Variants in CD163 observed in about 807,000 individuals in gnomAD.
The protein encoded by CD163 is scavenger receptor cysteine-rich type 1 protein M130.
Under a neutral mutation model 129.2 loss-of-function variants are expected in CD163, and 64 were observed. The observed-to-expected ratio is 0.50, with a 90% CI of 0.41 to 0.61. The LOEUF is 0.61. Among genes scored for constraint, CD163 ranks in the 20% least tolerant of loss-of-function variants. The probability of loss-of-function intolerance (pLI) is 0.00; values close to 1 mark genes in which losing one functional copy is unlikely to be tolerated. For synonymous variants in CD163, 446 were observed against 478.5 expected, an observed-to-expected ratio of 0.93 and a Z score of 0.89; for missense variants, 1,061 against 1,377.9, an observed-to-expected ratio of 0.77 and a Z score of 3.64.
In CD163 at chr12:7,485,915, C is replaced by T. The variant is rs895114212; in HGVS notation, c.2459-499G>A. Among the ~76,000 whole-genome samples the T allele has an allele frequency of 1.3e-5, 2 of 152,130 alleles. No individual in the cohort carries two copies. Among genetic ancestry groups the T allele is most frequent in the Admixed American group, 1.3e-4 (2 of 15,278 alleles). Reference sequence around the variant, plus strand: ...TCTGAGATACAGAGTTTTTCACTTCCTTAAGTTACTGAATCATAGTTCTGT... The same window carrying T: ...TCTGAGATACAGAGTTTTTCACTTCTTTAAGTTACTGAATCATAGTTCTGT... On this transcript the variant is annotated intron_variant, in intron 10 of 16. Coordinates refer to ENST00000432237, the MANE Select transcript of CD163 (RefSeq NM_203416.4). This position sits in a 1 kb window ranked among gnomAD's most constrained non-coding sequence, Gnocchi z 4.5.
At chr12:7,479,409 C>T (rs1235571682) in intron 16 of CD163, among the ~76,000 whole-genome samples, 10 of 152,002 alleles carry the variant, frequency 6.6e-5, no homozygotes, top group African/African-American at 1.4e-4. Context: ...TTCTTTGGAA[C>T]TGTCTATTTT....
chr12:7,498,897 T>C lies in CD163; in HGVS notation c.749A>G (p.His250Arg). 1 of 1,614,092 alleles carries C rather than the reference T, an allele frequency of 6.2e-7. No individual in the cohort carries two copies. Among genetic ancestry groups the C allele is most frequent in the Non-Finnish European group, 8.5e-7 (1 of 1,179,966 alleles). Reference sequence around the variant, plus strand: ...GCAAATCACTCCAGCATCCTCAGCATGATCACAGTTATGCTTTCCCCATCC... The same window carrying C: ...GCAAATCACTCCAGCATCCTCAGCACGATCACAGTTATGCTTTCCCCATCC... ...HQGWGKHNCD[H>R]AEDAGVICSK... The change falls in exon 4 of 17, where the codon CAT becomes CGT. Residue 250 changes from histidine to arginine, a missense_variant. His to Arg is a conservative substitution (Grantham distance 29). Coordinates refer to ENST00000432237, the MANE Select transcript of CD163 (RefSeq NM_203416.4).
Position 7,495,228 on chromosome 12 carries a change from G to C in CD163, c.1273C>G (p.Gln425Glu), listed in dbSNP as rs1440259697. The C allele has an allele frequency of 1.2e-6, 2 of 1,614,000 alleles. No individual in the cohort carries two copies. The highest frequency in any genetic ancestry group is 1.3e-5 in the African/African-American group (1 of 74,918). The change falls in exon 6 of 17, where the codon CAA becomes GAA. Residue 425 changes from glutamine to glutamate, a missense_variant. Gln to Glu is a conservative substitution (Grantham distance 29, BLOSUM62 2). Transcript: ENST00000432237. ...GTTGCCTGGATTTTGGAGTACACTTGATAAGATGTTTTGAGTGCAGATCCA... is the reference window on the plus strand; with the variant it reads ...GTTGCCTGGATTTTGGAGTACACTTCATAAGATGTTTTGAGTGCAGATCCA... ...GCGSALKTSYQVYSKIQATNT... is the reference protein window; with the variant it reads ...GCGSALKTSYEVYSKIQATNT...
intron 14 of CD163, among the ~76,000 whole-genome samples, chr12:7,482,144 G>A (rs1167407201): frequency 2.0e-5 from 3 of 152,100 alleles, no homozygotes; most frequent in Non-Finnish European, 4.4e-5. Flanking sequence ...TATCTTCAGA[G>A]CCTAATACAT....
rs761027808 is a variant in CD163, at chr12:7,501,220, C to A, written c.376G>T (p.Ala126Ser). The change falls in exon 3 of 17, where the codon GCT (alanine) becomes TCT (serine). Residue 126 changes from alanine to serine, a missense_variant. Transcript: ENST00000432237. ...DHVSCRGNES[A>S]LWDCKHDGWG... is the part of the protein sequence containing the mutation. ...CCATCATGTTTGCAATCCCAAAGAG[C>A]TGACTCATTCCCACGACAAGAAACA... The A allele has an allele frequency of 4.3e-6, 7 of 1,614,114 alleles. No homozygotes were observed. Among genetic ancestry groups the A allele is most frequent in the Non-Finnish European group, 5.9e-6 (7 of 1,180,044 alleles).
In CD163 at chr12:7,487,358, C is replaced by T; in HGVS notation, c.2050+1G>A. 1 of 1,575,836 alleles carries T rather than the reference C, an allele frequency of 6.3e-7. No homozygotes were observed. Among genetic ancestry groups the T allele is most frequent in the Non-Finnish European group, 8.6e-7 (1 of 1,161,938 alleles). Reference sequence around the variant, plus strand: ...TCACTGGCTGCCCGTCATCCTCTTACCTGAGCAGATTACAGAGGCCACTTG... The same window carrying T: ...TCACTGGCTGCCCGTCATCCTCTTATCTGAGCAGATTACAGAGGCCACTTG... On this transcript the variant is annotated splice_donor_variant, in intron 8 of 16. Transcript: ENST00000432237. LOFTEE classifies it high-confidence loss of function. This position sits in a 1 kb window ranked among gnomAD's most constrained non-coding sequence, Gnocchi z 5.1.
At chr12:7,489,223 T>C (rs1592003131) in intron 6 of CD163, among the ~76,000 whole-genome samples, 1 of 152,140 alleles carries the variant, frequency 6.6e-6, no homozygotes, top group African/African-American at 2.4e-5. Flanking sequence ...TATCTGTTGG[T>C]CCTCCAGCAT....
chr12:7,486,806 A>G lies in CD163; in HGVS notation c.2151T>C (p.Gly717=), dbSNP rs1184554691. 1 of 1,609,046 alleles carries G rather than the reference A, an allele frequency of 6.2e-7. No individual in the cohort carries two copies. The highest frequency in any genetic ancestry group is 8.5e-7 in the Non-Finnish European group (1 of 1,176,476). ...EESAVACIES[G]QLRLVNGGGR... ...CTCCTCCATTTACCAGGCGAAGTTGACCACTCTCTGCAAAGAGAAATGAAA... is the reference window on the plus strand; with the variant it reads ...CTCCTCCATTTACCAGGCGAAGTTGGCCACTCTCTGCAAAGAGAAATGAAA... Residue 717 remains glycine, a synonymous_variant, in exon 10 of 17, where the codon GGT becomes GGC. Transcript: ENST00000432237.
intron 6 of CD163, 73 bp from the exon 7 acceptor site, chr12:7,488,160 G>A: frequency 5.5e-6 from 8 of 1,456,078 alleles, no homozygotes; most frequent in Non-Finnish European, 7.4e-6. Context: ...GGGTGAAGAA[G>A]GTGGTGTGGA....
Position 7,485,544 on chromosome 12 carries a change from T to C in CD163, c.2459-128A>G. On this transcript the variant is annotated intron_variant, in intron 10 of 16. Coordinates refer to ENST00000432237, the MANE Select transcript of CD163 (RefSeq NM_203416.4). This position sits in a 1 kb window ranked among gnomAD's most constrained non-coding sequence, Gnocchi z 4.5. ...AGTACAATATGTCAGTTACTAATAA[T>C]TCGTTAGTAACTTCTGGATGATTTC... 1.9e-6 allele frequency: 1 copy of C among 518,452 alleles called. No individual in the cohort carries two copies. Among genetic ancestry groups the C allele is most frequent in the African/African-American group, 1.9e-5 (1 of 52,182 alleles). 32.1% of individuals were successfully genotyped at this position (518,452 alleles called of 1,614,324 possible). A position where few individuals can be genotyped will look rare whatever the true frequency, so the allele number is the denominator to read the frequency against.
In CD163 at chr12:7,483,469, C is replaced by T. The variant is rs1312004371; in HGVS notation, c.2986G>A (p.Val996Met). Residue 996 changes from valine (V) to methionine (M), a missense_variant, in exon 12 of 17, where the codon GTG (valine) becomes ATG (methionine). Transcript: ENST00000432237. ...QGTGPIWLNE[V>M]KCKGNESSLW... Reference sequence around the variant, plus strand: ...GAAGACTCATTCCCTTTGCACTTCACTTCATTGAGCCATATCGGTCCAGTC... The same window carrying T: ...GAAGACTCATTCCCTTTGCACTTCATTTCATTGAGCCATATCGGTCCAGTC... 2 of 1,613,996 alleles carry T rather than the reference C, an allele frequency of 1.2e-6. No homozygotes were observed. The highest frequency in any genetic ancestry group is 2.2e-5 in the South Asian group (2 of 91,088).
Position 7,496,753 on chromosome 12 carries a change from C to T in CD163, c.1099+60G>A, listed in dbSNP as rs1292642024. 4.1e-6 allele frequency: 6 copies of T among 1,479,294 alleles called. No individual in the cohort carries two copies. Among genetic ancestry groups the T allele is most frequent in the Non-Finnish European group, 5.7e-6 (6 of 1,060,850 alleles). 91.6% of individuals were successfully genotyped at this position (1,479,294 alleles called of 1,614,324 possible). ...GTTCCTACTCTTAAGGAGCACAGGA[C>T]TTTCCGTTTCTGCTTTTCTTTTTGT... On this transcript the variant is annotated intron_variant, in intron 5 of 16. Transcript: ENST00000432237. This position sits in a 1 kb window ranked among gnomAD's most constrained non-coding sequence, Gnocchi z 4.8.
rs1486749207 is a variant in CD163, at chr12:7,485,864, T to C, written c.2459-448A>G. On this transcript the variant is annotated intron_variant, in intron 10 of 16. Transcript: ENST00000432237. This position sits in a 1 kb window ranked among gnomAD's most constrained non-coding sequence, Gnocchi z 4.5. The stretch of plus-strand genomic sequence containing the variant: ...CAGTGCATGTCTTCTACCAGATTTA[T>C]GTCATTAAAATAGGAATAAATCACT... Among the ~76,000 whole-genome samples, 1 of 152,240 alleles carries C rather than the reference T, an allele frequency of 6.6e-6. No homozygotes were observed. The highest frequency in any genetic ancestry group is 2.4e-5 in the African/African-American group (1 of 41,470).
intron 14 of CD163, among the ~76,000 whole-genome samples, chr12:7,482,429 C>T (rs1287274793): frequency 1.3e-5 from 2 of 152,090 alleles, no homozygotes; most frequent in Non-Finnish European, 2.9e-5. Flanking sequence ...GTCTTGAACT[C>T]CTGGACTCAA....
chr12:7,498,893 A>G lies in CD163; in HGVS notation c.753T>C (p.Ala251=), dbSNP rs1489368499. ...TTGAGCAAATCACTCCAGCATCCTC[A>G]GCATGATCACAGTTATGCTTTCCCC... The part of the protein sequence containing the change: ...QGWGKHNCDH[A]EDAGVICSKG... Residue 251 remains alanine, a synonymous_variant, in exon 4 of 17, where the codon GCT becomes GCC. Coordinates refer to ENST00000432237, the MANE Select transcript of CD163 (RefSeq NM_203416.4). 1.7e-5 allele frequency: 27 copies of G among 1,614,042 alleles called. No individual in the cohort carries two copies. The highest frequency in any genetic ancestry group is 2.3e-5 in the Non-Finnish European group (27 of 1,179,946).
chr12:7,497,154 AGGTCT>A, intron 4 of CD163, 21 bp from the exon 5 acceptor site: 2 of 1,593,890 alleles, frequency 1.3e-6, no homozygotes, highest in Non-Finnish European at 8.6e-7. Flanking sequence ...GACACACAAC[AGGTCT>A]GCGATAAGGA....
At position 7,487,218 on chromosome 12, in the gene CD163, G is replaced by T; in HGVS notation, c.2050+141C>A. On this transcript the variant is annotated intron_variant, in intron 8 of 16. Transcript: ENST00000432237. This position sits in a 1 kb window ranked among gnomAD's most constrained non-coding sequence, Gnocchi z 5.1. ...TTGCTCACCCTCTGAAAAGACAAAT[G>T]AGGTTAATATTCTGAAGCATGAATT... 9.5e-7 allele frequency: 1 copy of T among 1,049,054 alleles called. No individual in the cohort carries two copies. Among genetic ancestry groups the T allele is most frequent in the Non-Finnish European group, 1.3e-6 (1 of 743,966 alleles). 65.0% of individuals were successfully genotyped at this position (1,049,054 alleles called of 1,614,324 possible).
intron 11 of CD163, among the ~76,000 whole-genome samples, chr12:7,483,991 C>T (rs1949208528): frequency 6.6e-6 from 1 of 150,842 alleles, no homozygotes; most frequent in Admixed American, 6.6e-5. Context: ...CAGGCGCCCA[C>T]CACCACACCC....
intron 16 of CD163, among the ~76,000 whole-genome samples, chr12:7,475,097 CAAAA>C (rs58901449): frequency 1.1e-4 from 10 of 94,018 alleles, no homozygotes; most frequent in East Asian, 3.1e-4. Context: ...GCCTACCAAC[CAAAA>C]AAAAAAAAAA....
Sources: allele counts gnomAD v4.1 joint callset (sites outside exome capture counted in the v4.1 genomes callset), GRCh38; gene constraint gnomAD v4.1.1; non-coding constraint Gnocchi (gnomAD v3.1); transcripts MANE v1.5; gene names NCBI Gene and HGNC (gene_info 2026-07-23, HGNC 2026-07-21).